LIMS1: variants seen among roughly 807,000 people sequenced by gnomAD.
LIMS1 encodes the protein LIM and senescent cell antigen-like-containing domain protein 1.
In LIMS1, 18 loss-of-function variants were observed where a neutral mutation model predicts 44.1. The ratio of observed to expected loss-of-function variants is 0.41; its 90% CI spans 0.28 to 0.61. The LOEUF is 0.61. LIMS1 is among the 20% of genes least tolerant of loss of function. LIMS1 has a pLI of 0.32. For synonymous variants in LIMS1, 93 were observed against 149.1 expected, an observed-to-expected ratio of 0.62 and a Z score of 2.74; for missense variants, 201 against 422.0, an observed-to-expected ratio of 0.48 and a Z score of 4.59.
chr2:108,575,219 G>A (rs1416959990), intron 1 of LIMS1, among the ~76,000 whole-genome samples: 2 of 152,036 alleles, frequency 1.3e-5, no homozygotes, highest in African/African-American at 4.8e-5. Flanking sequence ...CTCCAAGGTT[G>A]GGGAGGATGG....
chr2:108,627,896 C>T (rs1688672268), intron 1 of LIMS1, among the ~76,000 whole-genome samples: 1 of 152,134 alleles, frequency 6.6e-6, no homozygotes, highest in Non-Finnish European at 1.5e-5. Flanking sequence ...ATGGTTATAT[C>T]TGTTTCCTAG....
chr2:108,640,931 C>A (rs1321199151), intron 1 of LIMS1, among the ~76,000 whole-genome samples: 3 of 152,168 alleles, frequency 2.0e-5, no homozygotes, highest in African/African-American at 7.2e-5. Context: ...CTCCCTCTCT[C>A]CCCTCCCAGC....
intron 5 of LIMS1, 181 bp downstream of exon 5, chr2:108,673,210 T>C (rs1260646993): frequency 7.5e-5 from 70 of 937,608 alleles, no homozygotes; most frequent in Non-Finnish European, 1.1e-4. Context: ...TAATTTCGTT[T>C]CACCAGTTGA....
At chr2:108,578,873 C>A (rs1296456788) in intron 1 of LIMS1, among the ~76,000 whole-genome samples, 1 of 152,120 alleles carries the variant, frequency 6.6e-6, no homozygotes, top group African/African-American at 2.4e-5. Flanking sequence ...GGATTACAGG[C>A]GTGAGCCATT....
intron 1 of LIMS1, among the ~76,000 whole-genome samples, chr2:108,613,418 A>G (rs1434713334): frequency 6.6e-6 from 1 of 152,198 alleles, no homozygotes; most frequent in East Asian, 1.9e-4. Context: ...CCACAAAAGA[A>G]TGTGGGGAGA....
At chr2:108,636,578 A>G (rs1573513056) in intron 1 of LIMS1, among the ~76,000 whole-genome samples, 1 of 152,238 alleles carries the variant, frequency 6.6e-6, no homozygotes, top group African/African-American at 2.4e-5. Context: ...TCACAGAGGT[A>G]GCAGTAACTG....
At chr2:108,641,239 T>G (rs1689648577) in intron 1 of LIMS1, among the ~76,000 whole-genome samples, 1 of 152,236 alleles carries the variant, frequency 6.6e-6, no homozygotes, top group Non-Finnish European at 1.5e-5. Context: ...TAATGGCATT[T>G]CACTCATTTT....
At chr2:108,657,776 T>A (rs1205402800) in intron 1 of LIMS1, 1 of 152,402 alleles carries the variant, frequency 6.6e-6, no homozygotes, top group Admixed American at 6.5e-5. Context: ...TTCAAACCTG[T>A]TAAATAAAGT....
chr2:108,535,245 A>G (rs13402500), intron 1 of LIMS1, among the ~76,000 whole-genome samples: 55,070 of 152,140 alleles, frequency 0.36, 11,851 homozygotes, highest in East Asian at 0.88. Context: ...GATCTTACAC[A>G]GATGTGTAGT....
chr2:108,612,653 A>G (rs1050324147), intron 1 of LIMS1, among the ~76,000 whole-genome samples: 3 of 152,148 alleles, frequency 2.0e-5, no homozygotes, highest in African/African-American at 7.2e-5. Flanking sequence ...CCAGCTGAAG[A>G]GGAATACTCA....
chr2:108,663,596 G>A (rs71421332), intron 2 of LIMS1, among the ~76,000 whole-genome samples: 6 of 152,200 alleles, frequency 3.9e-5, no homozygotes, highest in Non-Finnish European at 7.3e-5. Context: ...GGGACCTGGT[G>A]TGCAGCTGAT....
At chr2:108,571,030 C>T (rs1685463222) in intron 1 of LIMS1, among the ~76,000 whole-genome samples, 1 of 152,198 alleles carries the variant, frequency 6.6e-6, no homozygotes, top group South Asian at 2.1e-4. Context: ...TAATCAGTTA[C>T]AGAAATCTTA....
At chr2:108,616,876 A>G (rs1687961528) in intron 1 of LIMS1, among the ~76,000 whole-genome samples, 1 of 152,214 alleles carries the variant, frequency 6.6e-6, no homozygotes, top group African/African-American at 2.4e-5. Flanking sequence ...TGTTTGCCAG[A>G]TGAATGTGTG....
chr2:108,544,002 G>A (rs968190775), intron 1 of LIMS1, among the ~76,000 whole-genome samples: 3 of 151,962 alleles, frequency 2.0e-5, no homozygotes, highest in African/African-American at 7.3e-5. Context: ...CTCCAGCCTG[G>A]GCAACACAGC....
At chr2:108,668,390 C>T (rs1691936061) in intron 2 of LIMS1, among the ~76,000 whole-genome samples, 1 of 152,158 alleles carries the variant, frequency 6.6e-6, no homozygotes, top group Non-Finnish European at 1.5e-5. Context: ...TCCCCAGCCT[C>T]CAGCAACCTC....
At chr2:108,601,125 GA>G (rs917689863) in intron 1 of LIMS1, among the ~76,000 whole-genome samples, 4 of 152,024 alleles carry the variant, frequency 2.6e-5, no homozygotes, top group African/African-American at 9.7e-5. Flanking sequence ...GAGGGGGGAA[GA>G]AAAACACACA....
intron 1 of LIMS1, among the ~76,000 whole-genome samples, chr2:108,649,521 A>G (rs1400157596): frequency 2.0e-5 from 3 of 152,242 alleles, no homozygotes; most frequent in Non-Finnish European, 2.9e-5. Flanking sequence ...ACACATGCAC[A>G]TGTATGTTTG....
chr2:108,632,631 G>A (rs1165101576), intron 1 of LIMS1, among the ~76,000 whole-genome samples: 2 of 152,132 alleles, frequency 1.3e-5, no homozygotes, highest in African/African-American at 4.8e-5. Flanking sequence ...GAGCCAAAGA[G>A]AAGCCTCTCT....
chr2:108,587,092 C>T (rs1686137296), intron 1 of LIMS1, among the ~76,000 whole-genome samples: 1 of 152,086 alleles, frequency 6.6e-6, no homozygotes, highest in South Asian at 2.1e-4. Context: ...TGGGCAGAAC[C>T]CTGAGTTTTA....
Sources: allele counts gnomAD v4.1 joint callset (sites outside exome capture counted in the v4.1 genomes callset), GRCh38; gene constraint gnomAD v4.1.1; transcripts MANE v1.5; gene names NCBI Gene and HGNC (gene_info 2026-07-23, HGNC 2026-07-21).